NTM: variants seen among roughly 807,000 people sequenced by gnomAD.
NTM encodes the protein IgLON family member 2.
A neutral mutation model predicts 42.1 loss-of-function variants in NTM; 13 were observed. The ratio of observed to expected loss-of-function variants is 0.31; its 90% CI spans 0.20 to 0.49. The LOEUF (loss-of-function observed/expected upper bound fraction) is 0.49. Among genes scored for constraint, NTM ranks in the 20% least tolerant of loss-of-function variants. The pLI is 0.99. For synonymous variants in NTM, 187 were observed against 179.2 expected (o/e 1.04, Z -0.35); for missense variants, 373 against 452.8 (o/e 0.82, Z 1.60).
At chr11:132,026,084 A>G (rs946590395) in intron 2 of NTM, among the ~76,000 whole-genome samples, 2 of 152,224 alleles carry the variant, frequency 1.3e-5, no homozygotes, top group Non-Finnish European at 2.9e-5. Flanking sequence ...ATTAATGAGC[A>G]CAGAGTGTTT....
intron 5 of NTM, among the ~76,000 whole-genome samples, chr11:132,308,992 G>A (rs1465757329): frequency 6.6e-6 from 1 of 152,184 alleles, no homozygotes; most frequent in Non-Finnish European, 1.5e-5. Flanking sequence ...AAAGCAAAGA[G>A]GGAAACATCA....
intron 2 of NTM, among the ~76,000 whole-genome samples, chr11:132,009,387 T>A (rs76218241): frequency 0.019 from 2,822 of 152,252 alleles, 66 homozygotes; most frequent in African/African-American, 0.055. Context: ...CAGATGGGTA[T>A]GTATGTGCCG....
chr11:131,416,779 T>G (rs1326319484), intron 1 of NTM, among the ~76,000 whole-genome samples: 1 of 152,156 alleles, frequency 6.6e-6, no homozygotes, highest in African/African-American at 2.4e-5. Flanking sequence ...TTTGATATAA[T>G]GTCCTTTTAA....
At chr11:131,979,697 C>T (rs1002509678) in intron 2 of NTM, among the ~76,000 whole-genome samples, 12 of 152,148 alleles carry the variant, frequency 7.9e-5, no homozygotes, top group African/African-American at 1.9e-4. Flanking sequence ...GCCCAAAAGG[C>T]GGTACTACAA....
At chr11:131,947,576 A>G (rs944324285) in intron 2 of NTM, among the ~76,000 whole-genome samples, 1 of 152,210 alleles carries the variant, frequency 6.6e-6, no homozygotes, top group East Asian at 1.9e-4. Flanking sequence ...ACACGCTGGT[A>G]TGAAACATTC....
chr11:132,160,918 C>T (rs548003926), intron 3 of NTM, among the ~76,000 whole-genome samples: 1 of 152,172 alleles, frequency 6.6e-6, no homozygotes, highest in African/African-American at 2.4e-5. Flanking sequence ...AGGGGAGCCA[C>T]GGCAGATGGC....
intron 4 of NTM, among the ~76,000 whole-genome samples, chr11:132,216,358 C>A (rs1249673897): frequency 6.6e-6 from 1 of 152,188 alleles, no homozygotes; most frequent in Non-Finnish European, 1.5e-5. Flanking sequence ...CAAAATGAAA[C>A]TCAGGTGAGG....
At chr11:131,546,436 C>T (rs573257503) in intron 1 of NTM, among the ~76,000 whole-genome samples, 2 of 152,328 alleles carry the variant, frequency 1.3e-5, no homozygotes, top group South Asian at 4.1e-4. Context: ...CCTGCTTTTA[C>T]TTTCACATTC....
chr11:131,465,276 C>T (rs370686395), intron 1 of NTM, among the ~76,000 whole-genome samples: 2 of 152,172 alleles, frequency 1.3e-5, no homozygotes, highest in Non-Finnish European at 2.9e-5. Context: ...GGGTGACCTG[C>T]GGGTGCCTCC....
intron 1 of NTM, among the ~76,000 whole-genome samples, chr11:131,608,135 G>C (rs1464407395): frequency 1.3e-5 from 2 of 152,146 alleles, no homozygotes; most frequent in African/African-American, 4.8e-5. Flanking sequence ...CTATGAGTGA[G>C]AACATGCAGT....
At chr11:132,257,734 G>T (rs752681079) in intron 4 of NTM, among the ~76,000 whole-genome samples, 3 of 152,156 alleles carry the variant, frequency 2.0e-5, no homozygotes, top group Non-Finnish European at 1.5e-5. Context: ...AGTTTAAAGC[G>T]ATTGCTTGCG....
At chr11:132,069,011 A>G (rs2056944937) in intron 2 of NTM, among the ~76,000 whole-genome samples, 1 of 152,272 alleles carries the variant, frequency 6.6e-6, no homozygotes, top group Admixed American at 6.5e-5. Context: ...TTGATTGACT[A>G]ACTGGGCATT....
chr11:131,677,926 G>T (rs967186550), intron 1 of NTM, among the ~76,000 whole-genome samples: 1 of 152,140 alleles, frequency 6.6e-6, no homozygotes, highest in East Asian at 1.9e-4. Context: ...TCACAGGGTT[G>T]ATTTGAATCT....
At chr11:132,303,113 T>A (rs1359470482) in intron 4 of NTM, among the ~76,000 whole-genome samples, 9 of 152,220 alleles carry the variant, frequency 5.9e-5, no homozygotes, top group Non-Finnish European at 1.3e-4. Context: ...AAAGACTAGA[T>A]GAACTGAATG....
chr11:132,104,937 G>GTATATATATA (rs534897526), intron 2 of NTM, among the ~76,000 whole-genome samples: 2 of 61,820 alleles, frequency 3.2e-5, no homozygotes, highest in Non-Finnish European at 5.9e-5. Context: ...ATATACATAT[G>GTATATATATA]TATATATATA....
intron 4 of NTM, among the ~76,000 whole-genome samples, chr11:132,245,811 C>G (rs2091036677): frequency 6.6e-6 from 1 of 152,112 alleles, no homozygotes; most frequent in African/African-American, 2.4e-5. Flanking sequence ...TCTCCTCTTT[C>G]TTAGGAGTTG....
chr11:131,448,671 G>T (rs1236742293), intron 1 of NTM, among the ~76,000 whole-genome samples: 3 of 152,216 alleles, frequency 2.0e-5, no homozygotes, highest in African/African-American at 7.2e-5. Context: ...CACCGACCCT[G>T]TCCTTGAGGC....
At chr11:131,710,619 C>T (rs934741753) in intron 1 of NTM, among the ~76,000 whole-genome samples, 3 of 152,064 alleles carry the variant, frequency 2.0e-5, no homozygotes, top group East Asian at 1.9e-4. Flanking sequence ...AGTGTAATAC[C>T]CAAACCAGCA....
intron 4 of NTM, among the ~76,000 whole-genome samples, chr11:132,222,541 C>T (rs2085377649): frequency 6.6e-6 from 1 of 152,120 alleles, no homozygotes; most frequent in Non-Finnish European, 1.5e-5. Flanking sequence ...GCTTTTCTCT[C>T]CAGAACCAGG....
Sources: gnomAD v4.1 joint callset for allele counts (sites outside exome capture counted in the v4.1 genomes callset) on GRCh38, gnomAD v4.1.1 for gene constraint, MANE v1.5 for transcripts, NCBI Gene and HGNC (gene_info 2026-07-23, HGNC 2026-07-21) for gene names.